KIF3A: variants seen among roughly 807,000 people sequenced by gnomAD.
KIF3A encodes kinesin-like protein KIF3A.
KIF3A carries 27 observed loss-of-function variants against 92.6 expected under a neutral mutation model. The observed-to-expected ratio is 0.29, with a 90% CI of 0.21 to 0.40. KIF3A has a LOEUF of 0.40. Among genes scored for constraint, KIF3A ranks in the 10% least tolerant of loss-of-function variants. The pLI, the probability that KIF3A is intolerant of heterozygous loss-of-function variation, is 1.00. For missense variants in KIF3A, 581 were observed against 872.6 expected, an observed-to-expected ratio of 0.67 and a Z score of 4.21; for synonymous variants, 250 against 275.4, an observed-to-expected ratio of 0.91 and a Z score of 0.92.
intron 5 of KIF3A, among the ~76,000 whole-genome samples, chr5:132,718,052 T>A (rs542148629): frequency 6.6e-6 from 1 of 152,122 alleles, no homozygotes; most frequent in African/African-American, 2.4e-5. Flanking sequence ...TGACATTCCT[T>A]TTCCCCAATT....
intron 10 of KIF3A, among the ~76,000 whole-genome samples, chr5:132,707,198 C>G (rs565394333): frequency 6.6e-6 from 1 of 151,518 alleles, no homozygotes; most frequent in East Asian, 1.9e-4. Context: ...AACAAACTTA[C>G]ATTCCTTCTA....
intron 2 of KIF3A, among the ~76,000 whole-genome samples, chr5:132,729,056 C>T (rs527521341): frequency 3.9e-5 from 6 of 152,150 alleles, no homozygotes; most frequent in Non-Finnish European, 8.8e-5. Context: ...TATGTTCTCA[C>T]TTACAAGTAG....
Position 132,702,575 on chromosome 5 carries a change from T to C in KIF3A, c.1741A>G (p.Met581Val), listed in dbSNP as rs763890836. 2.3e-5 allele frequency: 37 copies of C among 1,608,638 alleles called. No individual in the cohort carries two copies. Among genetic ancestry groups the C allele is most frequent in the Non-Finnish European group, 3.0e-5 (35 of 1,176,782 alleles). Reference protein sequence around the residue: ...KKLKKVWTMLMAAKSEMADLQ... With the variant: ...KKLKKVWTMLVAAKSEMADLQ... Reference sequence around the variant, plus strand: ...GAACCAACCTCTGACTTTGCAGCCATCAGCATAGTCCAAACTTTCTTTAAC... The same window carrying C: ...GAACCAACCTCTGACTTTGCAGCCACCAGCATAGTCCAAACTTTCTTTAAC... The change falls in exon 14 of 19, where the codon ATG becomes GTG. Residue 581 changes from methionine (M) to valine (V), a missense_variant. By Grantham distance (21) the Met-to-Val change is conservative. Around this residue, in one of 5 missense-constraint regions of KIF3A, gnomAD observed 45 missense variants for 115.8 expected, o/e 0.39. Coordinates refer to ENST00000403231, the MANE Select transcript of KIF3A (RefSeq NM_001300791.2).
At chr5:132,733,870 C>T (rs564557740) in intron 2 of KIF3A, among the ~76,000 whole-genome samples, 1 of 152,218 alleles carries the variant, frequency 6.6e-6, no homozygotes, top group East Asian at 1.9e-4. Context: ...CTATGAAAAT[C>T]CTAGCAGGAT....
chr5:132,706,456 T>C lies in KIF3A; in HGVS notation c.1304A>G (p.Gln435Arg). Reference protein sequence around the residue: ...EKPLDKFLPNQAGKKKVSPDK... With the variant: ...EKPLDKFLPNRAGKKKVSPDK... ...TGCAAATCAATCACACCAACCTGCT[T>C]GATCTTGCAATAAGAAGTAGTAAGC... The change falls in exon 11 of 19, where the codon CAA (glutamine) becomes CGA (arginine). Residue 435 changes from glutamine to arginine, a missense_variant. Transcript: ENST00000403231. 1 of 1,542,928 alleles carries C rather than the reference T, an allele frequency of 6.5e-7. No homozygotes were observed. Among genetic ancestry groups the C allele is most frequent in the Non-Finnish European group, 8.7e-7 (1 of 1,143,756 alleles).
At chr5:132,715,471 G>C (rs1426643095) in intron 8 of KIF3A, among the ~76,000 whole-genome samples, 1 of 152,068 alleles carries the variant, frequency 6.6e-6, no homozygotes, top group African/African-American at 2.4e-5. Context: ...CTCTTATACA[G>C]AGACAAATAA....
chr5:132,726,596 C>G, intron 2 of KIF3A, 98 bp from the exon 3 acceptor site: 1 of 1,069,736 alleles, frequency 9.3e-7, no homozygotes, highest in East Asian at 2.4e-5. Flanking sequence ...TGTAATTTCT[C>G]CCCTGGATTC....
chr5:132,697,152 T>C (rs1752866931), intron 18 of KIF3A, among the ~76,000 whole-genome samples: 1 of 152,236 alleles, frequency 6.6e-6, no homozygotes, highest in Non-Finnish European at 1.5e-5. Context: ...GCCTAGCCCA[T>C]CTAACTATGT....
At chr5:132,713,696 A>G (rs1337015079) in intron 8 of KIF3A, among the ~76,000 whole-genome samples, 1 of 152,166 alleles carries the variant, frequency 6.6e-6, no homozygotes, top group East Asian at 1.9e-4. Context: ...ATTATTCACA[A>G]TAGCCAAAAG....
At chr5:132,736,890 CAA>C (rs780377344) in intron 1 of KIF3A, 1 of 365,522 alleles carries the variant, frequency 2.7e-6, no homozygotes, top group Non-Finnish European at 5.5e-6. Context: ...GCCACACACA[CAA>C]AGACACCTAC....
At chr5:132,701,730 T>C (rs1753044250) in intron 15 of KIF3A, among the ~76,000 whole-genome samples, 1 of 152,046 alleles carries the variant, frequency 6.6e-6, no homozygotes, top group African/African-American at 2.4e-5. Flanking sequence ...ATGTTATCTA[T>C]ATTTTACCAT....
downstream of KIF3A, among the ~76,000 whole-genome samples, chr5:132,690,902 G>A (rs1456949211): frequency 6.6e-6 from 1 of 152,094 alleles, no homozygotes; most frequent in African/African-American, 2.4e-5. Flanking sequence ...ACTCCAGCCT[G>A]GGCAACAGAT....
chr5:132,707,355 T>C (rs1581071657), intron 10 of KIF3A, among the ~76,000 whole-genome samples: 1 of 152,114 alleles, frequency 6.6e-6, no homozygotes, highest in East Asian at 1.9e-4. Context: ...AGGACAACCA[T>C]CTCTCCACTT....
chr5:132,708,712 C>A (rs1218427230), intron 10 of KIF3A, among the ~76,000 whole-genome samples, 195 bp downstream of exon 10: 1 of 152,100 alleles, frequency 6.6e-6, no homozygotes, highest in Non-Finnish European at 1.5e-5. Context: ...TAAGCTAAAG[C>A]CTATGTTTTA....
intron 2 of KIF3A, among the ~76,000 whole-genome samples, chr5:132,731,733 CAG>C (rs1554108141): frequency 1.3e-5 from 2 of 149,288 alleles, no homozygotes; most frequent in Non-Finnish European, 3.0e-5. Context: ...TTTTTTGAGA[CAG>C]AGTCTTGCCC....
downstream of KIF3A, among the ~76,000 whole-genome samples, chr5:132,690,441 G>A (rs1190090034): frequency 6.6e-6 from 1 of 151,996 alleles, no homozygotes; most frequent in Non-Finnish European, 1.5e-5. Flanking sequence ...AGAAGGTCTA[G>A]TGTTTTTATA....
In KIF3A at chr5:132,720,716, T is replaced by TA. The variant is rs755989018; in HGVS notation, c.511-3dup. On this transcript the variant is annotated splice_polypyrimidine_tract_variant and splice_region_variant and intron_variant, in intron 4 of 18. Coordinates refer to ENST00000403231, the MANE Select transcript of KIF3A (RefSeq NM_001300791.2). ...TCCCACATCAGGTCTTTCTTTAACC[T>TA]AAAAAAAAATTAAGACTTTATACTA... 256 of 1,526,268 alleles carry TA rather than the reference T, an allele frequency of 1.7e-4. No homozygotes were observed. Among genetic ancestry groups the TA allele is most frequent in the Middle Eastern group, 3.5e-4 (2 of 5,774 alleles). 94.5% of individuals were successfully genotyped at this position (1,526,268 alleles called of 1,614,324 possible).
In KIF3A at chr5:132,699,233, A is replaced by G. The variant is rs372728866; in HGVS notation, c.2070T>C (p.Ser690=). 3 of 1,613,756 alleles carry G rather than the reference A, an allele frequency of 1.9e-6. No homozygotes were observed. Among genetic ancestry groups the G allele is most frequent in the Non-Finnish European group, 2.5e-6 (3 of 1,179,780 alleles). Residue 690 remains serine, a synonymous_variant, in exon 18 of 19, where the codon TCT becomes TCC. Transcript: ENST00000403231. ...LAYTEESLRQ[S]LMKLERPRTS... is the part of the protein sequence containing the mutation. Reference sequence around the variant, plus strand: ...TTCGTGGTCTTTCTAGTTTCATCAAAGACTGACGCAGACTCTCCTCAGTAT... The same window carrying G: ...TTCGTGGTCTTTCTAGTTTCATCAAGGACTGACGCAGACTCTCCTCAGTAT...
intron 10 of KIF3A, among the ~76,000 whole-genome samples, chr5:132,707,275 A>G (rs901300322): frequency 1.6e-4 from 25 of 152,188 alleles, no homozygotes; most frequent in Admixed American, 1.2e-3. Flanking sequence ...TAAGGACTCA[A>G]GCAAGAAACA....
Sources: allele counts gnomAD v4.1 joint callset (sites outside exome capture counted in the v4.1 genomes callset), GRCh38; gene constraint gnomAD v4.1.1; regional missense constraint gnomAD v4.1.1; transcripts MANE v1.5; gene names NCBI Gene and HGNC (gene_info 2026-07-23, HGNC 2026-07-21).